Variants in EHBP1 observed in about 807,000 individuals in gnomAD.
EHBP1 encodes EH domain-binding protein 1.
EHBP1 carries 55 observed loss-of-function variants against 144.0 expected under a neutral mutation model. The observed-to-expected ratio is 0.38, with a 90% confidence interval of 0.31 to 0.48. The LOEUF is 0.48. EHBP1 is among the 20% of genes least tolerant of loss of function. The pLI, the probability that EHBP1 is intolerant of heterozygous loss-of-function variation, is 0.98. For missense variants in EHBP1, 1,200 were observed against 1,364.2 expected, an observed-to-expected ratio of 0.88 and a Z score of 1.90; for synonymous variants, 469 against 472.7, an observed-to-expected ratio of 0.99 and a Z score of 0.10.
At chr2:62,865,041 G>T (rs1449699105) in intron 9 of EHBP1, 70 bp downstream of exon 9, 1 of 1,519,502 alleles carries the variant, frequency 6.6e-7, no homozygotes, top group Non-Finnish European at 8.9e-7. Flanking sequence ...CTTTTGTAAT[G>T]TACCTTTAGA....
At chr2:62,999,512 G>A (rs1429455348) in intron 19 of EHBP1, among the ~76,000 whole-genome samples, 1 of 152,048 alleles carries the variant, frequency 6.6e-6, no homozygotes, top group Non-Finnish European at 1.5e-5. Flanking sequence ...AATCCCCTGG[G>A]AATCTTTAAT....
chr2:62,779,112 T>C (rs1051097837), intron 5 of EHBP1, among the ~76,000 whole-genome samples: 5 of 152,066 alleles, frequency 3.3e-5, no homozygotes, highest in African/African-American at 1.2e-4. Context: ...GTTTATAATC[T>C]AACTATCAGT....
At chr2:62,754,312 T>G (rs933744642) in intron 3 of EHBP1, among the ~76,000 whole-genome samples, 2 of 152,144 alleles carry the variant, frequency 1.3e-5, no homozygotes, top group Non-Finnish European at 2.9e-5. Context: ...CAGCAAATGT[T>G]GCTGAACAGC....
intron 4 of EHBP1, among the ~76,000 whole-genome samples, chr2:62,765,687 A>G (rs1234115887): frequency 6.6e-6 from 1 of 152,182 alleles, no homozygotes; most frequent in African/African-American, 2.4e-5. Context: ...ACTTAGCACA[A>G]GAACTGGGAC....
chr2:63,027,136 C>T (rs906588453), intron 19 of EHBP1, among the ~76,000 whole-genome samples: 1 of 152,178 alleles, frequency 6.6e-6, no homozygotes, highest in Non-Finnish European at 1.5e-5. Context: ...GGTTCCACCA[C>T]TGACTAGCTA....
chr2:62,808,053 T>C (rs937206385), intron 5 of EHBP1, among the ~76,000 whole-genome samples: 1 of 137,868 alleles, frequency 7.3e-6, no homozygotes, highest in Admixed American at 7.4e-5. Flanking sequence ...ACCCTATCTC[T>C]AAAAAAAAAA....
chr2:62,956,534 A>G (rs1403718662), intron 14 of EHBP1, among the ~76,000 whole-genome samples: 2 of 152,014 alleles, frequency 1.3e-5, no homozygotes, highest in African/African-American at 2.4e-5. Context: ...TTCCTCTTTC[A>G]AGTTATCTAT....
At chr2:62,808,781 G>T (rs2152521704) in intron 5 of EHBP1, among the ~76,000 whole-genome samples, 1 of 152,246 alleles carries the variant, frequency 6.6e-6, no homozygotes, top group African/African-American at 2.4e-5. Context: ...GAAGCATTCT[G>T]TATTCCTATG....
intron 5 of EHBP1, among the ~76,000 whole-genome samples, chr2:62,802,847 C>A (rs2044126218): frequency 6.6e-6 from 1 of 151,778 alleles, no homozygotes; most frequent in South Asian, 2.1e-4. Flanking sequence ...GCCTCAACCT[C>A]CCCAATAGCT....
At chr2:62,732,636 C>T (rs1217820005) in intron 2 of EHBP1, among the ~76,000 whole-genome samples, 1 of 152,142 alleles carries the variant, frequency 6.6e-6, no homozygotes, top group East Asian at 1.9e-4. Context: ...CACCTTTTGC[C>T]ATGAATTAAA....
chr2:63,033,192 G>A (rs914978007), intron 19 of EHBP1, among the ~76,000 whole-genome samples: 2 of 152,012 alleles, frequency 1.3e-5, no homozygotes, highest in Admixed American at 1.3e-4. Flanking sequence ...TTAAATACCA[G>A]TTACTTGGAT....
chr2:62,793,618 T>C (rs1008348253), intron 5 of EHBP1, among the ~76,000 whole-genome samples: 1 of 152,048 alleles, frequency 6.6e-6, no homozygotes, highest in Non-Finnish European at 1.5e-5. Context: ...CCACCTGGGA[T>C]TGCTCAATTT....
intron 5 of EHBP1, among the ~76,000 whole-genome samples, chr2:62,782,237 A>G (rs1386696661): frequency 6.6e-6 from 1 of 152,236 alleles, no homozygotes; most frequent in Non-Finnish European, 1.5e-5. Flanking sequence ...CGTGTGAGAC[A>G]AGAGTAAGGT....
chr2:63,030,326 A>G (rs1318480253), intron 19 of EHBP1, among the ~76,000 whole-genome samples: 1 of 152,058 alleles, frequency 6.6e-6, no homozygotes, highest in Non-Finnish European at 1.5e-5. Context: ...TCCCAATGAC[A>G]ATATCCCCCC....
At chr2:62,788,636 T>G (rs1173149187) in intron 5 of EHBP1, among the ~76,000 whole-genome samples, 3 of 152,202 alleles carry the variant, frequency 2.0e-5, no homozygotes, top group Non-Finnish European at 4.4e-5. Context: ...TCCTTTCACT[T>G]AAGAAAAGCA....
chr2:62,809,852 AT>A (rs992221234), intron 5 of EHBP1, among the ~76,000 whole-genome samples: 2 of 151,622 alleles, frequency 1.3e-5, no homozygotes, highest in African/African-American at 4.8e-5. Flanking sequence ...TCCAAAAAAA[AT>A]TTTTTTTTGC....
At chr2:63,037,657 G>C in intron 20 of EHBP1, 23 bp downstream of exon 20, 2 of 1,390,630 alleles carry the variant, frequency 1.4e-6, no homozygotes, top group Middle Eastern at 1.8e-4. Context: ...CATTATGCTT[G>C]TTTTGCCTAC....
At chr2:62,772,214 G>A (rs2041722195) in intron 5 of EHBP1, 1 of 151,226 alleles carries the variant, frequency 6.6e-6, no homozygotes, top group African/African-American at 2.4e-5. Context: ...GGAAGAAAGA[G>A]AGAAGGAGAG....
At chr2:62,898,041 A>C (rs2053084324) in intron 10 of EHBP1, among the ~76,000 whole-genome samples, 1 of 152,176 alleles carries the variant, frequency 6.6e-6, no homozygotes, top group Admixed American at 6.5e-5. Flanking sequence ...ATACTAATGG[A>C]ACAAAAAAGG....
Sources: gnomAD v4.1 joint callset for allele counts (sites outside exome capture counted in the v4.1 genomes callset) on GRCh38, gnomAD v4.1.1 for gene constraint, MANE v1.5 for transcripts, NCBI Gene and HGNC (gene_info 2026-07-23, HGNC 2026-07-21) for gene names.